The following COG5 variants were observed in gnomAD, a reference collection of about 807,000 sequenced individuals.
COG5 encodes component of oligomeric golgi complex 5, also known as conserved oligomeric Golgi complex subunit 5.
Under a neutral mutation model 110.4 loss-of-function variants are expected in COG5, and 86 were observed. That is an observed-to-expected ratio of 0.78 (90% CI 0.65 to 0.93). The LOEUF is 0.93. Ranked by LOEUF, COG5 falls within the 40% of genes least tolerant of loss-of-function variation. The pLI is 0.00. For missense variants in COG5, 1,077 were observed against 987.0 expected, an observed-to-expected ratio of 1.09 and a Z score of -1.22; for synonymous variants, 360 against 334.6, an observed-to-expected ratio of 1.08 and a Z score of -0.83.
intron 6 of COG5, among the ~76,000 whole-genome samples, chr7:107,479,877 C>T (rs907019076): frequency 6.6e-6 from 1 of 152,018 alleles, no homozygotes; most frequent in Non-Finnish European, 1.5e-5. Context: ...TTTCTAACAA[C>T]TATTTTAACT....
chr7:107,392,913 T>C lies in COG5; in HGVS notation c.669+19589A>G, dbSNP rs1467827133. 3.9e-5 allele frequency among the ~76,000 whole-genome samples: 6 copies of C among 152,170 alleles called. 1 individual carries two copies. The highest frequency in any genetic ancestry group is 1.4e-4 in the African/African-American group (6 of 41,442). ...CTAAAAGGCGCCTGCATACCACATG[T>C]ATTCCTCAACTTTAAAGTCTCCATA... On this transcript the variant is annotated intron_variant, in intron 7 of 21. Transcript: ENST00000297135.
chr7:107,344,087 G>C (rs1033415617), intron 10 of COG5, among the ~76,000 whole-genome samples: 2 of 152,114 alleles, frequency 1.3e-5, no homozygotes, highest in African/African-American at 4.8e-5. Flanking sequence ...CCTAAAAATA[G>C]AATCAGCCTA....
chr7:107,328,796 T>C (rs1584684623), intron 10 of COG5, among the ~76,000 whole-genome samples: 1 of 152,198 alleles, frequency 6.6e-6, no homozygotes, highest in East Asian at 1.9e-4. Context: ...AAACAATTTA[T>C]TTTATTTTTA....
intron 6 of COG5, among the ~76,000 whole-genome samples, chr7:107,488,940 G>C (rs775874766): frequency 7.9e-5 from 12 of 151,982 alleles, no homozygotes; most frequent in Non-Finnish European, 1.3e-4. Context: ...AAGTTATAAT[G>C]TCACATATAT....
chr7:107,522,704 AATTC>A (rs1234576576), intron 6 of COG5, among the ~76,000 whole-genome samples: 1 of 152,200 alleles, frequency 6.6e-6, no homozygotes, highest in Non-Finnish European at 1.5e-5. Flanking sequence ...TTAGGACACG[AATTC>A]ATTCTGAGTT....
intron 14 of COG5, among the ~76,000 whole-genome samples, chr7:107,261,765 C>G (rs1473942012): frequency 6.6e-6 from 1 of 152,104 alleles, no homozygotes; most frequent in Non-Finnish European, 1.5e-5. Flanking sequence ...TGACTGAACT[C>G]TCTCTCAAAT....
intron 19 of COG5, among the ~76,000 whole-genome samples, chr7:107,221,603 A>G (rs765307221): frequency 6.6e-6 from 1 of 151,924 alleles, no homozygotes; most frequent in Non-Finnish European, 1.5e-5. Flanking sequence ...TCTTTACTAA[A>G]AATACAAAAA....
intron 11 of COG5, among the ~76,000 whole-genome samples, chr7:107,315,303 T>C (rs1203053432): frequency 6.6e-6 from 1 of 152,132 alleles, no homozygotes; most frequent in African/African-American, 2.4e-5. Flanking sequence ...GCCTTAAAAC[T>C]TTTAAAATCT....
At chr7:107,304,481 T>C (rs1373094104) in intron 11 of COG5, among the ~76,000 whole-genome samples, 2 of 152,248 alleles carry the variant, frequency 1.3e-5, no homozygotes, top group Non-Finnish European at 2.9e-5. Context: ...AACAAATGAA[T>C]TGAAAGTAGA....
intron 2 of COG5, 27 bp downstream of exon 2, chr7:107,557,949 C>A: frequency 6.2e-7 from 1 of 1,613,072 alleles, no homozygotes; most frequent in South Asian, 1.1e-5. Context: ...CTGAATAATC[C>A]ATAGGGACCC....
At chr7:107,492,192 T>A (rs1230425650) in intron 6 of COG5, among the ~76,000 whole-genome samples, 2 of 151,742 alleles carry the variant, frequency 1.3e-5, no homozygotes, top group African/African-American at 2.4e-5. Flanking sequence ...TGTGTGTGTG[T>A]GTGTGTGTGT....
At chr7:107,544,135 A>G (rs1244991138) in intron 5 of COG5, among the ~76,000 whole-genome samples, 3 of 152,114 alleles carry the variant, frequency 2.0e-5, no homozygotes, top group Non-Finnish European at 4.4e-5. Flanking sequence ...CCAAGGCTCC[A>G]GGACCACCCT....
At chr7:107,402,614 A>G (rs1054483504) in intron 7 of COG5, among the ~76,000 whole-genome samples, 37 of 152,186 alleles carry the variant, frequency 2.4e-4, no homozygotes, top group Non-Finnish European at 1.3e-4. Context: ...TGAAAAAATA[A>G]ATAAACAAAT....
chr7:107,231,154 G>C (rs1800749379), intron 18 of COG5, among the ~76,000 whole-genome samples: 1 of 152,064 alleles, frequency 6.6e-6, no homozygotes, highest in Admixed American at 6.6e-5. Context: ...GCTGATACTA[G>C]TTACTAGTTT....
intron 8 of COG5, among the ~76,000 whole-genome samples, chr7:107,366,382 T>C (rs1338416120): frequency 6.6e-6 from 1 of 152,084 alleles, no homozygotes; most frequent in Non-Finnish European, 1.5e-5. Context: ...AAGAAGATAC[T>C]AGACATGGAA....
chr7:107,344,548 G>T (rs143325192), intron 10 of COG5, among the ~76,000 whole-genome samples: 1 of 152,236 alleles, frequency 6.6e-6, no homozygotes, highest in Admixed American at 6.5e-5. Context: ...ATTTTAGACG[G>T]AGTTTCACTC....
intron 10 of COG5, among the ~76,000 whole-genome samples, chr7:107,360,370 G>A (rs968911151): frequency 1.3e-5 from 2 of 152,162 alleles, no homozygotes; most frequent in African/African-American, 4.8e-5. Flanking sequence ...TTGGATGTGG[G>A]ACAAGAACTC....
intron 6 of COG5, among the ~76,000 whole-genome samples, chr7:107,524,111 G>T (rs1214763393): frequency 6.6e-6 from 1 of 152,084 alleles, no homozygotes; most frequent in Non-Finnish European, 1.5e-5. Context: ...AAAGGCAAAG[G>T]TATTAATACA....
At chr7:107,464,191 G>A (rs967111814) in intron 6 of COG5, among the ~76,000 whole-genome samples, 2 of 152,110 alleles carry the variant, frequency 1.3e-5, no homozygotes, top group Non-Finnish European at 2.9e-5. Context: ...TGCCCACTCA[G>A]ACTCCACAAA....
Sources: gnomAD v4.1 joint callset for allele counts (sites outside exome capture counted in the v4.1 genomes callset) on GRCh38, gnomAD v4.1.1 for gene constraint, MANE v1.5 for transcripts, NCBI Gene and HGNC (gene_info 2026-07-23, HGNC 2026-07-21) for gene names.